PGR: variants seen among roughly 807,000 people sequenced by gnomAD.
PGR encodes the protein nuclear receptor subfamily 3 group C member 3.
A neutral mutation model predicts 76.1 loss-of-function variants in PGR; 25 were observed. That is an observed-to-expected ratio of 0.33 (90% CI 0.24 to 0.46). PGR has a LOEUF of 0.46. PGR is among the 20% of genes least tolerant of loss of function. The probability of loss-of-function intolerance (pLI) is 1.00; values close to 1 mark genes in which losing one functional copy is unlikely to be tolerated. For synonymous variants in PGR, 579 were observed against 535.0 expected (o/e 1.08, Z -1.14); for missense variants, 1,172 against 1,225.3 (o/e 0.96, Z 0.65).
chr11:101,129,088 T>C lies in PGR; in HGVS notation c.-18A>G, dbSNP rs1388314117. On this transcript the variant is annotated 5_prime_UTR_variant, in exon 1 of 8. Coordinates refer to ENST00000325455, the MANE Select transcript of PGR (RefSeq NM_000926.4). ...TCAGTCATGACGACTGGACTCCCCTTTTCTCCTCCCCCGTCTCCAGGAGGA... is the reference window on the plus strand; with the variant it reads ...TCAGTCATGACGACTGGACTCCCCTCTTCTCCTCCCCCGTCTCCAGGAGGA... The C allele has an allele frequency of 4.1e-6, 6 of 1,480,412 alleles. No individual in the cohort carries two copies. Among genetic ancestry groups the C allele is most frequent in the Non-Finnish European group, 5.4e-6 (6 of 1,117,106 alleles). The allele number at this position is 1,480,412 out of a possible 1,614,324, so 91.7% of individuals were successfully genotyped here.
intron 5 of PGR, chr11:101,051,042 T>C: frequency 5.4e-6 from 1 of 186,898 alleles, no homozygotes; most frequent in Non-Finnish European, 1.1e-5. Flanking sequence ...ATCTTTCAAT[T>C]TTTTAAATAA....
At chr11:101,079,856 G>C (rs1271631956) in intron 3 of PGR, among the ~76,000 whole-genome samples, 2 of 152,176 alleles carry the variant, frequency 1.3e-5, no homozygotes, top group Non-Finnish European at 2.9e-5. Context: ...CCCCTCCTGT[G>C]TAGAGATCTT....
At chr11:101,120,876 G>A (rs1279855373) in intron 2 of PGR, among the ~76,000 whole-genome samples, 3 of 152,180 alleles carry the variant, frequency 2.0e-5, no homozygotes, top group Non-Finnish European at 4.4e-5. Context: ...GCACTAGCAC[G>A]CATGGCTAAT....
chr11:101,121,526 A>T (rs536762648), intron 2 of PGR, among the ~76,000 whole-genome samples: 75 of 152,346 alleles, frequency 4.9e-4, no homozygotes, highest in African/African-American at 1.8e-3. Flanking sequence ...TTTATTCATA[A>T]AAGTATTTCA....
chr11:101,088,834 C>A (rs1861582148), intron 3 of PGR, among the ~76,000 whole-genome samples: 1 of 152,114 alleles, frequency 6.6e-6, no homozygotes, highest in African/African-American at 2.4e-5. Flanking sequence ...ATATATACAC[C>A]ATGGAATATT....
At chr11:101,112,182 T>G (rs142547313) in intron 2 of PGR, among the ~76,000 whole-genome samples, 7 of 151,794 alleles carry the variant, frequency 4.6e-5, no homozygotes, top group Admixed American at 1.3e-4. Flanking sequence ...GGTTTAAGAG[T>G]GAATGGGAGA....
intron 4 of PGR, among the ~76,000 whole-genome samples, chr11:101,058,962 C>A (rs566385032): frequency 2.0e-5 from 3 of 152,244 alleles, no homozygotes; most frequent in African/African-American, 7.2e-5. Flanking sequence ...TTTTCTCAAT[C>A]CATAGCTACT....
In PGR at chr11:101,129,017, C is replaced by A; in HGVS notation, c.54G>T (p.Pro18=). The A allele has an allele frequency of 6.4e-7, 1 of 1,567,504 alleles. No individual in the cohort carries two copies. Among genetic ancestry groups the A allele is most frequent in the Non-Finnish European group, 8.6e-7 (1 of 1,157,122 alleles). ...GPRAPHVAGG[P]PSPEVGSPLL... ...GTGGGGATCCGACCTCGGGGGAGGG[C>A]GGGCCGCCCGCCACGTGGGGAGCCC... The change falls in exon 1 of 8, where the codon CCG becomes CCT. Residue 18 remains proline (P), a synonymous_variant. Transcript: ENST00000325455.
rs1591437563 is a variant in PGR at position 101,127,214 on chromosome 11, T to C, written c.1637+220A>G. 19 of 377,736 alleles carry C rather than the reference T, an allele frequency of 5.0e-5. No homozygotes were observed. In the East Asian group the frequency reaches 7.5e-4, roughly 15 times the overall value. The allele number at this position is 377,736 out of a possible 1,614,324, so 23.4% of individuals were successfully genotyped here. A position where few individuals can be genotyped will look rare whatever the true frequency, so the allele number is the denominator to read the frequency against. ...CTTTCAGGGAGGCACGCCCCAAAAA[T>C]AGTATATTCTGCGCCCACCTTCGTG... On this transcript the variant is annotated intron_variant, in intron 1 of 7. Transcript: ENST00000325455.
At chr11:101,114,895 A>G (rs1862454460) in intron 2 of PGR, among the ~76,000 whole-genome samples, 1 of 152,124 alleles carries the variant, frequency 6.6e-6, no homozygotes. Flanking sequence ...ATGCCACTAC[A>G]CTGCCCAAAA....
intron 5 of PGR, 94 bp downstream of exon 5, chr11:101,051,316 TCATCATATCAAGAA>T (rs1860081722): frequency 2.7e-6 from 2 of 744,196 alleles, no homozygotes; most frequent in African/African-American, 3.5e-5. Flanking sequence ...GACAGTAATG[TCATCATATCAAGAA>T]CACTAAATAT....
intron 3 of PGR, among the ~76,000 whole-genome samples, chr11:101,087,963 G>T (rs1861549434): frequency 6.6e-6 from 1 of 152,120 alleles, no homozygotes; most frequent in Non-Finnish European, 1.5e-5. Flanking sequence ...CAGCACTTTG[G>T]GAGGATCACT....
intron 3 of PGR, among the ~76,000 whole-genome samples, chr11:101,066,294 T>C (rs1272254378): frequency 1.3e-5 from 2 of 152,174 alleles, no homozygotes; most frequent in Non-Finnish European, 2.9e-5. Context: ...CCCGGGTAAG[T>C]ACTTAACACA....
At chr11:101,102,974 G>A (rs1200494260) in intron 2 of PGR, among the ~76,000 whole-genome samples, 2 of 151,888 alleles carry the variant, frequency 1.3e-5, no homozygotes, top group East Asian at 3.9e-4. Context: ...GGCACGCGCA[G>A]TTTGCAATAG....
chr11:101,104,169 A>G (rs1224670048), intron 2 of PGR, among the ~76,000 whole-genome samples: 1 of 152,204 alleles, frequency 6.6e-6, no homozygotes, highest in African/African-American at 2.4e-5. Flanking sequence ...TACATAAGGA[A>G]GAGTCATTTT....
chr11:101,113,025 A>AT (rs1862389038), intron 2 of PGR, among the ~76,000 whole-genome samples: 1 of 152,184 alleles, frequency 6.6e-6, no homozygotes, highest in African/African-American at 2.4e-5. Context: ...TTTTTGGAAG[A>AT]TTTTTTAGCA....
chr11:101,039,045 G>T lies in PGR; in HGVS notation c.*71C>A. The T allele has an allele frequency of 8.6e-7, 1 of 1,164,970 alleles. No homozygotes were observed. The highest frequency in any genetic ancestry group is 1.3e-6 in the Non-Finnish European group (1 of 783,488). The allele number at this position is 1,164,970 out of a possible 1,614,324, so 72.2% of individuals were successfully genotyped here. On this transcript the variant is annotated 3_prime_UTR_variant, in exon 8 of 8. Transcript: ENST00000325455. ...TCAGAAGAACATTATAAAAACTCAA[G>T]ACCTCATAATCCTGACCAAAACAAA...
At chr11:101,102,302 G>T (rs1591415843) in intron 2 of PGR, among the ~76,000 whole-genome samples, 1 of 152,166 alleles carries the variant, frequency 6.6e-6, no homozygotes, top group Non-Finnish European at 1.5e-5. Context: ...TAATATTGTG[G>T]TTGTAATGGA....
chr11:101,048,793 T>C (rs1256746474), intron 6 of PGR, among the ~76,000 whole-genome samples: 1 of 152,212 alleles, frequency 6.6e-6, no homozygotes, highest in Non-Finnish European at 1.5e-5. Context: ...TTTTATTTCT[T>C]TTATAATAAA....
Sources: gnomAD v4.1 joint callset for allele counts (sites outside exome capture counted in the v4.1 genomes callset) on GRCh38, gnomAD v4.1.1 for gene constraint, MANE v1.5 for transcripts, NCBI Gene and HGNC (gene_info 2026-07-23, HGNC 2026-07-21) for gene names.